Variants in CT45A1 observed in about 807,000 individuals in gnomAD.
The protein encoded by CT45A1 is cancer/testis antigen 45-1.
chrX:135,716,203 G>C (rs1332858340), intron 1 of CT45A1, among the ~76,000 whole-genome samples: 1 of 111,271 alleles, frequency 9.0e-6, no homozygotes, highest in Non-Finnish European at 1.9e-5. Flanking sequence ...CCCAGTGATG[G>C]GATTGCTGAG....
upstream of CT45A1, among the ~76,000 whole-genome samples, chrX:135,711,093 G>A (rs1319183605): frequency 8.9e-6 from 1 of 111,744 alleles, no homozygotes; most frequent in African/African-American, 3.3e-5. Flanking sequence ...CTTGTGGCTT[G>A]TGTGGTAGGC....
At chrX:135,710,838 T>G (rs1340944748), upstream of CT45A1, among the ~76,000 whole-genome samples, 1 of 112,693 alleles carries the variant, frequency 8.9e-6, no homozygotes, top group African/African-American at 3.2e-5. Context: ...CTTGGAAAGG[T>G]CTGTCCACAT....
intron 1 of CT45A1, among the ~76,000 whole-genome samples, chrX:135,714,813 C>G (rs1414842170): frequency 1.8e-5 from 2 of 108,325 alleles, no homozygotes; most frequent in Middle Eastern, 4.3e-3. Context: ...GATTGCAGTG[C>G]CACCACACCC....
At chrX:135,709,563 T>C (rs375687514), upstream of CT45A1, among the ~76,000 whole-genome samples, 183 of 112,733 alleles carry the variant, frequency 1.6e-3, 1 homozygote, top group African/African-American at 5.6e-3. Context: ...CCACTGTGTC[T>C]GGCGAAAACT....
intron 1 of CT45A1, among the ~76,000 whole-genome samples, chrX:135,713,961 G>A (rs2087956198): frequency 9.4e-6 from 1 of 106,089 alleles, no homozygotes; most frequent in South Asian, 4.8e-4. Context: ...GGTGATGCTA[G>A]GGACTTTTCC....
upstream of CT45A1, among the ~76,000 whole-genome samples, chrX:135,712,236 G>A (rs781942509): frequency 3.9e-5 from 3 of 76,431 alleles, no homozygotes; most frequent in East Asian, 8.4e-4. Context: ...CAGGCTATGC[G>A]ATCAAAGCTC....
chrX:135,710,525 T>A (rs2087928490), upstream of CT45A1: 1 of 111,580 alleles, frequency 9.0e-6, no homozygotes, highest in Non-Finnish European at 1.9e-5. Context: ...CATTTTGGAG[T>A]CTGGTGCTAA....
intron 1 of CT45A1, among the ~76,000 whole-genome samples, chrX:135,714,170 G>T (rs868955818): frequency 9.1e-6 from 1 of 109,611 alleles, no homozygotes; most frequent in Non-Finnish European, 1.9e-5. Context: ...GATCGCTGAC[G>T]GGGGCTTTAT....
intron 1 of CT45A1, among the ~76,000 whole-genome samples, chrX:135,714,839 T>TC (rs2087965114): frequency 9.2e-6 from 1 of 109,127 alleles, no homozygotes; most frequent in Non-Finnish European, 1.9e-5. Flanking sequence ...TTTATTGTTT[T>TC]TTTTTTTTTT....
Position 135,713,882 on chromosome X carries a change from C to T in CT45A1, c.-7+192C>T, listed in dbSNP as rs782597345. On this transcript the variant is annotated intron_variant, in intron 1 of 4. Coordinates refer to ENST00000594565, the MANE Select transcript of CT45A1 (RefSeq NM_001017417.3). Reference sequence around the variant, plus strand: ...GGCGCCTGTGTCAGCCGCGGGGGAGCGTTTTCCTTGGGCACCTCGTCTCAG... The same window carrying T: ...GGCGCCTGTGTCAGCCGCGGGGGAGTGTTTTCCTTGGGCACCTCGTCTCAG... 8.3e-5 allele frequency among the ~76,000 whole-genome samples: 9 copies of T among 108,095 alleles called. No homozygotes were observed. The East Asian group carries it at 2.6e-3, about 32-fold the overall frequency. 93.9% of individuals were successfully genotyped at this position (108,095 alleles called of 115,157 possible). A position where few individuals can be genotyped will look rare whatever the true frequency, so the allele number is the denominator to read the frequency against.
intron 1 of CT45A1, among the ~76,000 whole-genome samples, chrX:135,717,214 C>T: frequency 9.0e-6 from 1 of 111,707 alleles, no homozygotes; most frequent in East Asian, 2.8e-4. Flanking sequence ...TAGGATCATT[C>T]TGAGAGACTT....
At chrX:135,713,216 G>GTT (rs144472727), upstream of CT45A1, among the ~76,000 whole-genome samples, 55 of 88,568 alleles carry the variant, frequency 6.2e-4, 1 homozygote, top group East Asian at 2.8e-3. Flanking sequence ...TTTTGTGTGT[G>GTT]TTTTTTTTTT....
In CT45A1 at chrX:135,716,012, A is replaced by G. The variant is rs1603083691; in HGVS notation, c.-7+2322A>G. On this transcript the variant is annotated intron_variant, in intron 1 of 4. Coordinates refer to ENST00000594565, the MANE Select transcript of CT45A1 (RefSeq NM_001017417.3). ...ATGTCCCTTCAAACGACATGAACTC[A>G]TTCTTTTTTAGGGCTGCAAAGTATT... Among the ~76,000 whole-genome samples the G allele has an allele frequency of 2.7e-5, 3 of 110,601 alleles. No individual in the cohort carries two copies. In the South Asian group the frequency reaches 1.2e-3, roughly 43 times the overall value.
At chrX:135,709,194 C>T (rs782679107), upstream of CT45A1, among the ~76,000 whole-genome samples, 1 of 112,381 alleles carries the variant, frequency 8.9e-6, no homozygotes, top group Admixed American at 9.4e-5. Context: ...GGTCCGATCT[C>T]GGCTCACTGC....
upstream of CT45A1, among the ~76,000 whole-genome samples, chrX:135,711,915 T>C (rs2087935527): frequency 9.1e-6 from 1 of 109,972 alleles, no homozygotes; most frequent in Non-Finnish European, 1.9e-5. Flanking sequence ...ACACTGTCTC[T>C]ACTAAAAATA....
At chrX:135,715,298 T>TTA (rs1395925882) in intron 1 of CT45A1, among the ~76,000 whole-genome samples, 1 of 81,852 alleles carries the variant, frequency 1.2e-5, no homozygotes, top group Non-Finnish European at 2.2e-5. Context: ...TATATAATAC[T>TTA]TATATATACA....
At chrX:135,712,547 TAGAC>T (rs1410257366), upstream of CT45A1, among the ~76,000 whole-genome samples, 1 of 110,609 alleles carries the variant, frequency 9.0e-6, no homozygotes, top group Non-Finnish European at 1.9e-5. Context: ...TTTATATTTT[TAGAC>T]AGAGTCTCGC....
At chrX:135,710,896 T>C (rs1252030002), upstream of CT45A1, among the ~76,000 whole-genome samples, 1 of 112,278 alleles carries the variant, frequency 8.9e-6, no homozygotes, top group African/African-American at 3.2e-5. Flanking sequence ...TTTAATCATG[T>C]GTCCTCAATG....
intron 1 of CT45A1, among the ~76,000 whole-genome samples, chrX:135,714,348 C>T (rs2087960966): frequency 9.2e-6 from 1 of 109,285 alleles, no homozygotes; most frequent in South Asian, 4.2e-4. Flanking sequence ...GTGCTCTCTC[C>T]CGGTGCTGCG....
Sources: gnomAD v4.1 joint callset for allele counts (sites outside exome capture counted in the v4.1 genomes callset) on GRCh38, gnomAD v4.1.1 for gene constraint, MANE v1.5 for transcripts, NCBI Gene and HGNC (gene_info 2026-07-23, HGNC 2026-07-21) for gene names.